GRID1: variants seen among roughly 807,000 people sequenced by gnomAD.
GRID1 encodes the protein glutamate receptor ionotropic, delta-1.
Under a neutral mutation model 98.0 loss-of-function variants are expected in GRID1, and 28 were observed. The ratio of observed to expected loss-of-function variants is 0.29; its 90% CI spans 0.21 to 0.39. The LOEUF (loss-of-function observed/expected upper bound fraction) is 0.39, where lower values mean the gene tolerates loss of function less well. Among genes scored for constraint, GRID1 ranks in the 10% least tolerant of loss-of-function variants. The pLI is 1.00. For synonymous variants in GRID1, 553 were observed against 538.5 expected (o/e 1.03, Z -0.37); for missense variants, 1,111 against 1,340.5 (o/e 0.83, Z 2.67).
chr10:86,168,996 A>G (rs963400528), intron 3 of GRID1, among the ~76,000 whole-genome samples: 4 of 152,168 alleles, frequency 2.6e-5, no homozygotes, highest in Non-Finnish European at 4.4e-5. Context: ...ATTGCTCCCC[A>G]CTCTCACACA....
At chr10:85,653,309 TA>T (rs1840852453) in intron 12 of GRID1, among the ~76,000 whole-genome samples, 1 of 152,188 alleles carries the variant, frequency 6.6e-6, no homozygotes, top group Non-Finnish European at 1.5e-5. Flanking sequence ...ATTGATTACA[TA>T]AAGTAGCCAG....
chr10:85,825,195 C>T (rs948403313), intron 8 of GRID1, among the ~76,000 whole-genome samples: 1 of 152,184 alleles, frequency 6.6e-6, no homozygotes, highest in Non-Finnish European at 1.5e-5. Context: ...TCCATGCCAA[C>T]ATCTGTTGCT....
intron 8 of GRID1, among the ~76,000 whole-genome samples, chr10:85,766,313 C>T (rs1842197452): frequency 6.6e-6 from 1 of 152,064 alleles, no homozygotes. Flanking sequence ...TGGTGAAACC[C>T]CATTTCTATA....
At chr10:85,619,573 G>A (rs1173881520) in intron 14 of GRID1, among the ~76,000 whole-genome samples, 1 of 152,098 alleles carries the variant, frequency 6.6e-6, no homozygotes, top group Non-Finnish European at 1.5e-5. Flanking sequence ...TTTTCTCCCT[G>A]CCTCTACCCT....
intron 12 of GRID1, among the ~76,000 whole-genome samples, chr10:85,713,207 A>G (rs79125721): frequency 0.033 from 4,940 of 151,824 alleles, 125 homozygotes; most frequent in Middle Eastern, 0.048. Flanking sequence ...AAGAAAAAAA[A>G]TTATAAATGA....
intron 4 of GRID1, among the ~76,000 whole-genome samples, chr10:86,001,771 A>G (rs1323195590): frequency 6.6e-6 from 1 of 152,136 alleles, no homozygotes; most frequent in Non-Finnish European, 1.5e-5. Context: ...TTAGTTTGCT[A>G]TGGCTGCTCT....
At chr10:85,893,669 T>A (rs886844118) in intron 5 of GRID1, among the ~76,000 whole-genome samples, 2 of 152,186 alleles carry the variant, frequency 1.3e-5, no homozygotes, top group Non-Finnish European at 2.9e-5. Context: ...GGAGACTAAT[T>A]TAACAACAAG....
intron 8 of GRID1, among the ~76,000 whole-genome samples, chr10:85,853,813 T>C (rs1843083381): frequency 6.6e-6 from 1 of 152,186 alleles, no homozygotes; most frequent in Admixed American, 6.5e-5. Context: ...TCCACTTAAC[T>C]TTGGGGATCC....
intron 2 of GRID1, among the ~76,000 whole-genome samples, chr10:86,336,655 T>C (rs192660166): frequency 3.9e-5 from 6 of 152,326 alleles, no homozygotes; most frequent in Admixed American, 3.9e-4. Flanking sequence ...TCATATCAGG[T>C]ACTAAAGCGC....
chr10:86,086,347 A>G (rs953239082), intron 4 of GRID1, among the ~76,000 whole-genome samples: 1 of 152,182 alleles, frequency 6.6e-6, no homozygotes, highest in Non-Finnish European at 1.5e-5. Context: ...GGAGTCAAAA[A>G]TATTTGTAGA....
chr10:85,659,547 G>A (rs1481105375), intron 12 of GRID1, among the ~76,000 whole-genome samples: 1 of 152,200 alleles, frequency 6.6e-6, no homozygotes, highest in Non-Finnish European at 1.5e-5. Context: ...TCCCTTGTGG[G>A]ACAGCTGGAG....
intron 4 of GRID1, among the ~76,000 whole-genome samples, chr10:86,104,909 G>A (rs1844358627): frequency 6.6e-6 from 1 of 152,224 alleles, no homozygotes; most frequent in Non-Finnish European, 1.5e-5. Context: ...ACAGCATTGA[G>A]AGCAGGAAGC....
At chr10:86,296,012 C>T (rs549667949) in intron 2 of GRID1, among the ~76,000 whole-genome samples, 12 of 152,322 alleles carry the variant, frequency 7.9e-5, no homozygotes, top group African/African-American at 2.9e-4. Flanking sequence ...TAGCTCAGCT[C>T]GGCCCTAGCT....
chr10:85,828,391 A>G (rs1842838807), intron 8 of GRID1, among the ~76,000 whole-genome samples: 1 of 150,048 alleles, frequency 6.7e-6, no homozygotes, highest in African/African-American at 2.4e-5. Context: ...TGAGAAAAGA[A>G]AAGAGATCAA....
intron 3 of GRID1, among the ~76,000 whole-genome samples, chr10:86,186,153 T>C (rs1422232578): frequency 6.6e-6 from 1 of 152,244 alleles, no homozygotes; most frequent in Non-Finnish European, 1.5e-5. Flanking sequence ...GTAATTTGTG[T>C]CTTTCAAGGA....
At chr10:86,069,481 T>C (rs1843768645) in intron 4 of GRID1, among the ~76,000 whole-genome samples, 1 of 152,154 alleles carries the variant, frequency 6.6e-6, no homozygotes, top group Non-Finnish European at 1.5e-5. Flanking sequence ...ACCCCGTCTC[T>C]ACCAAACATA....
At chr10:85,699,917 C>A (rs78932562) in intron 12 of GRID1, among the ~76,000 whole-genome samples, 87 of 152,256 alleles carry the variant, frequency 5.7e-4, no homozygotes, top group Middle Eastern at 3.4e-3. Flanking sequence ...TCTTAAATTG[C>A]AGTTTATACC....
intron 4 of GRID1, among the ~76,000 whole-genome samples, chr10:86,065,963 CT>C (rs1202296432): frequency 6.6e-6 from 1 of 152,200 alleles, no homozygotes; most frequent in Non-Finnish European, 1.5e-5. Flanking sequence ...ATGCCTTTCC[CT>C]GCAAGTTAAT....
At chr10:85,744,336 G>A (rs947410891) in intron 8 of GRID1, among the ~76,000 whole-genome samples, 1 of 152,112 alleles carries the variant, frequency 6.6e-6, no homozygotes, top group South Asian at 2.1e-4. Flanking sequence ...TATCTAATGT[G>A]GTCAACAACT....
Sources: allele counts gnomAD v4.1 joint callset (sites outside exome capture counted in the v4.1 genomes callset), GRCh38; gene constraint gnomAD v4.1.1; transcripts MANE v1.5; gene names NCBI Gene and HGNC (gene_info 2026-07-23, HGNC 2026-07-21).